Variants in FHIT observed in about 807,000 individuals in gnomAD.
FHIT encodes the protein fragile histidine triad diadenosine triphosphatase.
In FHIT, 19 loss-of-function variants were observed where a neutral mutation model predicts 17.9. The observed-to-expected ratio is 1.06, with a 90% CI of 0.74 to 1.56. FHIT has a LOEUF of 1.56. Ranked by LOEUF, FHIT falls within the 40% of genes most tolerant of loss-of-function variation. FHIT has a pLI of 0.00. For missense variants in FHIT, 248 were observed against 189.2 expected (o/e 1.31, Z -1.82); for synonymous variants, 81 against 69.7 (o/e 1.16, Z -0.81).
chr3:60,539,274 A>G (rs2036096990), intron 4 of FHIT, among the ~76,000 whole-genome samples: 1 of 152,250 alleles, frequency 6.6e-6, no homozygotes, highest in Admixed American at 6.5e-5. Context: ...AATGGCGATC[A>G]GTAAAAAGTC....
intron 5 of FHIT, among the ~76,000 whole-genome samples, chr3:60,514,062 C>T (rs1440437376): frequency 6.6e-6 from 1 of 152,188 alleles, no homozygotes; most frequent in African/African-American, 2.4e-5. Context: ...CTTTCCAGCT[C>T]CCCATCCTGC....
chr3:61,040,319 T>C (rs1345413162), intron 3 of FHIT, among the ~76,000 whole-genome samples: 1 of 152,212 alleles, frequency 6.6e-6, no homozygotes, highest in Non-Finnish European at 1.5e-5. Flanking sequence ...TTTTAAACAT[T>C]GGATTGAAAG....
intron 8 of FHIT, among the ~76,000 whole-genome samples, chr3:59,908,668 C>T (rs1704698311): frequency 6.6e-6 from 1 of 151,882 alleles, no homozygotes; most frequent in Non-Finnish European, 1.5e-5. Flanking sequence ...ATTAAGGCCC[C>T]AGAATACAGA....
intron 8 of FHIT, among the ~76,000 whole-genome samples, chr3:59,830,602 G>A (rs1022900561): frequency 2.0e-5 from 3 of 152,106 alleles, no homozygotes; most frequent in African/African-American, 7.2e-5. Context: ...ATCATTATAG[G>A]AAAAACATTC....
intron 4 of FHIT, among the ~76,000 whole-genome samples, chr3:60,672,874 CGTGTGTGT>C (rs71629109): frequency 1.4e-5 from 2 of 139,476 alleles, no homozygotes; most frequent in African/African-American, 2.7e-5. Flanking sequence ...CTCTTTGTAG[CGTGTGTGT>C]GTGTGTGTGT....
intron 5 of FHIT, among the ~76,000 whole-genome samples, chr3:60,241,971 G>A (rs915341543): frequency 6.6e-6 from 1 of 151,928 alleles, no homozygotes; most frequent in Non-Finnish European, 1.5e-5. Flanking sequence ...GAAAAATTGT[G>A]GTAACAATCA....
At chr3:60,407,309 A>G (rs1701901801) in intron 5 of FHIT, among the ~76,000 whole-genome samples, 1 of 152,024 alleles carries the variant, frequency 6.6e-6, no homozygotes, top group African/African-American at 2.4e-5. Flanking sequence ...CCTACCAATT[A>G]CAGATGCCTA....
chr3:61,201,883 C>G (rs2039024249), intron 1 of FHIT, among the ~76,000 whole-genome samples: 1 of 152,078 alleles, frequency 6.6e-6, no homozygotes, highest in African/African-American at 2.4e-5. Flanking sequence ...GAATCCCTTT[C>G]CACTTCAAAC....
chr3:59,777,922 T>C (rs1042691431), intron 8 of FHIT, among the ~76,000 whole-genome samples: 4 of 152,222 alleles, frequency 2.6e-5, no homozygotes, highest in African/African-American at 9.6e-5. Context: ...TCTCATTTAG[T>C]TATCAGTTGA....
chr3:59,930,006 T>C (rs577603795), intron 7 of FHIT, among the ~76,000 whole-genome samples: 12 of 152,214 alleles, frequency 7.9e-5, no homozygotes, highest in Admixed American at 1.3e-4. Flanking sequence ...ATAGGATGTG[T>C]GATCAAGTGA....
In FHIT at chr3:60,820,897, T is replaced by C. The variant is rs371603800; in HGVS notation, c.-18+1022A>G. Among the ~76,000 whole-genome samples the C allele has an allele frequency of 1.6e-4, 24 of 151,876 alleles. 2 individuals are homozygous for C. Among genetic ancestry groups the C allele is most frequent in the Admixed American group, 1.2e-3 (18 of 15,226 alleles). On this transcript the variant is annotated intron_variant, in intron 4 of 9. Coordinates refer to ENST00000492590, the MANE Select transcript of FHIT (RefSeq NM_002012.4). Reference sequence around the variant, plus strand: ...AGTAAATATGAGTCCTAAGGAGGGGTTACATGAGCACAGTCCCCTGACGAC... The same window carrying C: ...AGTAAATATGAGTCCTAAGGAGGGGCTACATGAGCACAGTCCCCTGACGAC...
chr3:60,470,351 C>A (rs941268663), intron 5 of FHIT, among the ~76,000 whole-genome samples: 2 of 152,120 alleles, frequency 1.3e-5, no homozygotes, highest in Admixed American at 1.3e-4. Context: ...CTGGGAGTCA[C>A]GGCCTGGAGT....
Position 60,519,298 on chromosome 3 carries a change from T to G in FHIT, c.103+17562A>C, listed in dbSNP as rs183846037. Among the ~76,000 whole-genome samples, 170 of 152,290 alleles carry G rather than the reference T, an allele frequency of 1.1e-3. 1 individual carries two copies. The highest frequency in any genetic ancestry group is 1.9e-3 in the Non-Finnish European group (127 of 68,014). ...TAGACTGCAGCTTCATAGATATAATTTAAACAAAACGTTTATTTAGTCAAG... is the reference window on the plus strand; with the variant it reads ...TAGACTGCAGCTTCATAGATATAATGTAAACAAAACGTTTATTTAGTCAAG... On this transcript the variant is annotated intron_variant, in intron 5 of 9. Transcript: ENST00000492590.
chr3:60,191,686 G>A (rs1702410229), intron 5 of FHIT, among the ~76,000 whole-genome samples: 1 of 152,122 alleles, frequency 6.6e-6, no homozygotes, highest in Non-Finnish European at 1.5e-5. Context: ...ACATTGAAAA[G>A]AATGTGAACC....
At chr3:61,209,106 G>A (rs1467144338) in intron 1 of FHIT, among the ~76,000 whole-genome samples, 1 of 152,028 alleles carries the variant, frequency 6.6e-6, no homozygotes, top group African/African-American at 2.4e-5. Flanking sequence ...GAAATGCTGG[G>A]TTGAAAATTC....
At chr3:61,163,756 A>G (rs1169858084) in intron 2 of FHIT, among the ~76,000 whole-genome samples, 1 of 152,168 alleles carries the variant, frequency 6.6e-6, no homozygotes, top group African/African-American at 2.4e-5. Flanking sequence ...ATACTTCTAC[A>G]CAACTGTCTG....
intron 5 of FHIT, among the ~76,000 whole-genome samples, chr3:60,031,884 A>G (rs2106789018): frequency 6.6e-6 from 1 of 152,314 alleles, no homozygotes; most frequent in South Asian, 2.1e-4. Context: ...TTATTAAATC[A>G]CAGATGTAGG....
intron 5 of FHIT, among the ~76,000 whole-genome samples, chr3:60,278,933 G>C (rs140844525): frequency 0.023 from 3,442 of 152,050 alleles, 62 homozygotes; most frequent in Middle Eastern, 0.058. Context: ...TATCAAAAAA[G>C]AAGAAAGATC....
intron 4 of FHIT, among the ~76,000 whole-genome samples, chr3:60,771,540 G>C (rs1040758909): frequency 6.6e-6 from 1 of 152,284 alleles, no homozygotes; most frequent in South Asian, 2.1e-4. Context: ...CTTCCTGAGA[G>C]GGGGGTCTCA....
Sources: allele counts gnomAD v4.1 joint callset (sites outside exome capture counted in the v4.1 genomes callset), GRCh38; gene constraint gnomAD v4.1.1; transcripts MANE v1.5; gene names NCBI Gene and HGNC (gene_info 2026-07-23, HGNC 2026-07-21).